The following ABHD12 variants were observed in gnomAD, a reference collection of about 807,000 sequenced individuals.
ABHD12 encodes the protein abhydrolase domain containing 12, lysophospholipase, also known as lysophosphatidylserine lipase ABHD12.
A neutral mutation model predicts 58.3 loss-of-function variants in ABHD12; 43 were observed. The observed-to-expected ratio is 0.74, with a 90% CI of 0.58 to 0.95. ABHD12 has a LOEUF of 0.95. ABHD12 is among the 40% of genes least tolerant of loss of function. The pLI is 0.00. For synonymous variants in ABHD12, 219 were observed against 211.2 expected (o/e 1.04, Z -0.32); for missense variants, 539 against 537.2 (o/e 1.00, Z -0.03).
At chr20:25,294,850 C>T (rs139575896) in exon 13 of ABHD12, 18 of 1,082,432 alleles carry the variant, frequency 1.7e-5, no homozygotes, top group African/African-American at 1.4e-4. Context: ...AGTTCTTCAC[C>T]GTTGGCAAAA....
chr20:25,353,077 C>T (rs2089622350), intron 1 of ABHD12, among the ~76,000 whole-genome samples: 1 of 152,174 alleles, frequency 6.6e-6, no homozygotes, highest in Non-Finnish European at 1.5e-5. Flanking sequence ...CTATCGCCAC[C>T]ACAGTTCTGT....
At chr20:25,371,434 C>T (rs1157968510) in intron 1 of ABHD12, among the ~76,000 whole-genome samples, 2 of 152,200 alleles carry the variant, frequency 1.3e-5, no homozygotes, top group Non-Finnish European at 2.9e-5. Flanking sequence ...TAGTAACCAT[C>T]TTGACTGCTT....
intron 1 of ABHD12, among the ~76,000 whole-genome samples, chr20:25,356,011 TC>T (rs1295985224): frequency 1.3e-5 from 2 of 152,208 alleles, no homozygotes; most frequent in African/African-American, 4.8e-5. Context: ...CAGAGTCCTT[TC>T]CTGAGAGAAC....
At chr20:25,304,297 C>A (rs900932646) in intron 10 of ABHD12, among the ~76,000 whole-genome samples, 1 of 152,258 alleles carries the variant, frequency 6.6e-6, no homozygotes, top group Admixed American at 6.5e-5. Context: ...TGGCAGGAGG[C>A]ACACACTCTT....
At chr20:25,343,604 A>G (rs2089482511) in intron 1 of ABHD12, among the ~76,000 whole-genome samples, 1 of 152,202 alleles carries the variant, frequency 6.6e-6, no homozygotes, top group Non-Finnish European at 1.5e-5. Context: ...CAGGAGTTCA[A>G]GACCACCTGG....
At chr20:25,315,063 C>T in intron 5 of ABHD12, 93 bp from the exon 6 acceptor site, 1 of 1,323,842 alleles carries the variant, frequency 7.6e-7, no homozygotes, top group Non-Finnish European at 1.1e-6. Flanking sequence ...AACTTTCTCT[C>T]CTCTGCCTTG....
rs542939526 is a variant in ABHD12 at position 25,302,268 on chromosome 20, A to G, written c.1108T>C (p.Tyr370His). 5 of 1,613,856 alleles carry G rather than the reference A, an allele frequency of 3.1e-6. No individual in the cohort carries two copies. The South Asian group carries it at 3.3e-5, about 11-fold the overall frequency. ...CTCTTGTAAATGTATTTGTGCCTGT[A>G]GCCAAGGTCTGAATGAAAGGGCACA... ...QFVPFHSDLG[Y>H]RHKYIYKSPE... Residue 370 changes from tyrosine (Y) to histidine (H), a missense_variant, in exon 12 of 13, where the codon TAC (tyrosine) becomes CAC (histidine). Transcript: ENST00000339157.
At chr20:25,311,478 C>A (rs375260114) in intron 6 of ABHD12, among the ~76,000 whole-genome samples, 2 of 152,346 alleles carry the variant, frequency 1.3e-5, no homozygotes, top group South Asian at 2.1e-4. Flanking sequence ...CTGCAAGACG[C>A]TACATGTGTG....
At chr20:25,295,427 C>T (rs2145905132), downstream of ABHD12, among the ~76,000 whole-genome samples, 1 of 152,382 alleles carries the variant, frequency 6.6e-6, no homozygotes, top group Middle Eastern at 3.4e-3. Flanking sequence ...ACAGAGAAGC[C>T]CTGTGGCCAA....
chr20:25,374,484 T>C (rs1005146762), intron 1 of ABHD12, among the ~76,000 whole-genome samples: 6 of 152,138 alleles, frequency 3.9e-5, no homozygotes, highest in African/African-American at 4.8e-5. Flanking sequence ...TGGAATACAA[T>C]TACAGTAAGT....
At chr20:25,369,205 T>C (rs2089866262) in intron 1 of ABHD12, among the ~76,000 whole-genome samples, 1 of 152,178 alleles carries the variant, frequency 6.6e-6, no homozygotes, top group South Asian at 2.1e-4. Context: ...AATGGATTAG[T>C]AATGTTGGGC....
At chr20:25,360,019 A>C (rs2089723425) in intron 1 of ABHD12, among the ~76,000 whole-genome samples, 1 of 151,846 alleles carries the variant, frequency 6.6e-6, no homozygotes, top group Admixed American at 6.6e-5. Flanking sequence ...TACTCTATTC[A>C]TCTTTTTCTT....
At chr20:25,388,785 T>TCC (rs1427809990) in intron 1 of ABHD12, among the ~76,000 whole-genome samples, 7 of 111,146 alleles carry the variant, frequency 6.3e-5, no homozygotes, top group Admixed American at 1.0e-4. Context: ...ATTTGATTTT[T>TCC]TCTTTTTTTT....
chr20:25,360,227 C>CTTTTTTA (rs2089726800), intron 1 of ABHD12, among the ~76,000 whole-genome samples: 1 of 37,408 alleles, frequency 2.7e-5, no homozygotes, highest in Non-Finnish European at 4.7e-5. Flanking sequence ...GAACACGTTA[C>CTTTTTTA]TTTTTTTTTT....
At chr20:25,310,037 G>A (rs1023414903) in intron 6 of ABHD12, among the ~76,000 whole-genome samples, 2 of 152,204 alleles carry the variant, frequency 1.3e-5, no homozygotes, top group African/African-American at 4.8e-5. Flanking sequence ...GCAAGCTAGT[G>A]AGGTCTAAGG....
intron 1 of ABHD12, chr20:25,368,909 A>G (rs1248902129): frequency 4.9e-6 from 2 of 404,198 alleles, no homozygotes; most frequent in African/African-American, 4.2e-5. Context: ...GGATTGCTTA[A>G]TTCATGAGTT....
intron 2 of ABHD12, among the ~76,000 whole-genome samples, chr20:25,333,862 G>A (rs1272602071): frequency 2.6e-5 from 4 of 152,072 alleles, no homozygotes; most frequent in African/African-American, 7.2e-5. Context: ...TACTGAATGG[G>A]CAAAAACTGG....
rs1462589815 is a variant in ABHD12 at position 25,339,870 on chromosome 20, T to C, written c.192-519A>G. ...CAGGAGGCTAAGAACTGGCACGGTG[T>C]GTCCTTGCATTTACGCGTGGGCGAG... On this transcript the variant is annotated intron_variant, in intron 1 of 12. Coordinates refer to ENST00000339157, the MANE Select transcript of ABHD12 (RefSeq NM_001042472.3). The C allele has an allele frequency of 3.6e-6, 3 of 840,588 alleles. No individual in the cohort carries two copies. The African/African-American group carries it at 5.4e-5, about 15-fold the overall frequency. The allele number at this position is 840,588 out of a possible 1,614,324, so 52.1% of individuals were successfully genotyped here.
intron 1 of ABHD12, chr20:25,368,644 C>A (rs1457595637): frequency 7.3e-6 from 10 of 1,372,606 alleles, no homozygotes; most frequent in Non-Finnish European, 1.0e-5. Context: ...TCCTTTCTCG[C>A]CAGTGCTCAG....
Sources: gnomAD v4.1 joint callset for allele counts (sites outside exome capture counted in the v4.1 genomes callset) on GRCh38, gnomAD v4.1.1 for gene constraint, MANE v1.5 for transcripts, NCBI Gene and HGNC (gene_info 2026-07-23, HGNC 2026-07-21) for gene names.